The following MITF variants were observed in gnomAD, a reference collection of about 807,000 sequenced individuals.
The protein encoded by MITF is microphthalmia-associated transcription factor.
MITF carries 17 observed loss-of-function variants against 60.5 expected under a neutral mutation model. The ratio of observed to expected loss-of-function variants is 0.28; its 90% CI spans 0.19 to 0.42. The LOEUF is 0.42. Among genes scored for constraint, MITF ranks in the 10% least tolerant of loss-of-function variants. The probability of loss-of-function intolerance (pLI) is 1.00; values close to 1 mark genes in which losing one functional copy is unlikely to be tolerated. For missense variants in MITF, 622 were observed against 683.5 expected, an observed-to-expected ratio of 0.91 and a Z score of 1.00; for synonymous variants, 260 against 248.5, an observed-to-expected ratio of 1.05 and a Z score of -0.43.
At chr3:69,958,877 A>G (rs924467396) in intron 8 of MITF, among the ~76,000 whole-genome samples, 5 of 152,268 alleles carry the variant, frequency 3.3e-5, no homozygotes, top group African/African-American at 9.6e-5. Flanking sequence ...AATGTGTACA[A>G]ACTGGGTGGG....
intron 2 of MITF, among the ~76,000 whole-genome samples, chr3:69,914,370 C>T (rs1408191959): frequency 6.6e-6 from 1 of 152,160 alleles, no homozygotes; most frequent in African/African-American, 2.4e-5. Flanking sequence ...GATCCGCCTC[C>T]CTCGGCCTCC....
Position 69,951,800 on chromosome 3 carries a change from T to A in MITF, c.881-12T>A, listed in dbSNP as rs2066262832. 1 of 1,611,006 alleles carries A rather than the reference T, an allele frequency of 6.2e-7. No homozygotes were observed. Among genetic ancestry groups the A allele is most frequent in the African/African-American group, 1.3e-5 (1 of 74,850 alleles). On this transcript the variant is annotated splice_polypyrimidine_tract_variant and intron_variant, in intron 6 of 9. Transcript: ENST00000352241. The stretch of plus-strand genomic sequence containing the variant: ...CAGTTCCAACTTCTAATGACTTCAT[T>A]CACGTGCACAGCGTGTATTTTTCCC...
At chr3:69,744,692 T>C (rs1277833474) in intron 1 of MITF, among the ~76,000 whole-genome samples, 2 of 152,264 alleles carry the variant, frequency 1.3e-5, no homozygotes, top group Non-Finnish European at 2.9e-5. Flanking sequence ...TGCATTTGCT[T>C]GACTGTGGTT....
chr3:69,852,657 T>G (rs1380774696), intron 1 of MITF, among the ~76,000 whole-genome samples: 3 of 152,162 alleles, frequency 2.0e-5, no homozygotes, highest in African/African-American at 7.2e-5. Context: ...CACATATAAA[T>G]TTATCTGGTT....
chr3:69,906,251 A>C (rs1357851792), intron 2 of MITF, among the ~76,000 whole-genome samples: 1 of 152,126 alleles, frequency 6.6e-6, no homozygotes, highest in Non-Finnish European at 1.5e-5. Context: ...TATGTTTGTC[A>C]GAAATCAGTT....
chr3:69,936,840 A>T, intron 2 of MITF: 1 of 1,276,350 alleles, frequency 7.8e-7, no homozygotes, highest in East Asian at 2.4e-5. Flanking sequence ...TGTAATAGAC[A>T]TACTGTTTTC....
At chr3:69,927,854 G>A (rs770503462) in intron 2 of MITF, among the ~76,000 whole-genome samples, 2 of 152,236 alleles carry the variant, frequency 1.3e-5, no homozygotes, top group African/African-American at 2.4e-5. Flanking sequence ...TAGTGCTGAG[G>A]CTGAAAGCCT....
intron 5 of MITF, among the ~76,000 whole-genome samples, chr3:69,944,593 A>G (rs1036968394): frequency 1.6e-4 from 24 of 152,144 alleles, no homozygotes; most frequent in Non-Finnish European, 1.9e-4. Context: ...ATTAGGGGAA[A>G]GACAATGTAA....
chr3:69,768,565 G>T lies in MITF; in HGVS notation c.104+28864G>T, dbSNP rs571244777. 1.6e-3 allele frequency among the ~76,000 whole-genome samples: 241 copies of T among 152,306 alleles called. 4 individuals carry two copies. The highest frequency in any genetic ancestry group is 5.5e-3 in the African/African-American group (227 of 41,564). ...CTTCCATACATAATTTGGCTTTGGT[G>T]GCTGCTTCAGATTAGCCATTCTATC... On this transcript the variant is annotated intron_variant, in intron 1 of 9. Coordinates refer to ENST00000352241, the MANE Select transcript of MITF (RefSeq NM_001354604.2).
intron 1 of MITF, among the ~76,000 whole-genome samples, chr3:69,842,386 C>A (rs963887492): frequency 1.3e-5 from 2 of 152,170 alleles, no homozygotes; most frequent in African/African-American, 4.8e-5. Context: ...TACATTAATA[C>A]AACAACAAAC....
At chr3:69,801,625 T>G (rs755442621) in intron 1 of MITF, among the ~76,000 whole-genome samples, 10 of 152,210 alleles carry the variant, frequency 6.6e-5, no homozygotes, top group Admixed American at 6.5e-5. Context: ...TGATATATTT[T>G]ACATGAGTAC....
chr3:69,786,656 AGACTGTGGAAAAT>A (rs2062654413), intron 1 of MITF, among the ~76,000 whole-genome samples: 2 of 152,068 alleles, frequency 1.3e-5, no homozygotes, highest in South Asian at 4.2e-4. Flanking sequence ...ATTTTATATA[AGACTGTGGAAAAT>A]GAGACGTGTT....
At chr3:69,877,639 C>T (rs1006316625) in intron 1 of MITF, among the ~76,000 whole-genome samples, 4 of 152,050 alleles carry the variant, frequency 2.6e-5, no homozygotes, top group Non-Finnish European at 5.9e-5. Flanking sequence ...TGAAAATAAG[C>T]GAACTGTTAA....
At position 69,897,614 on chromosome 3, in the gene MITF, C is replaced by T. The variant is rs112196374; in HGVS notation, c.354+18231C>T. 7.8e-3 allele frequency among the ~76,000 whole-genome samples: 1,190 copies of T among 152,228 alleles called. 9 individuals carry two copies. Among genetic ancestry groups the T allele is most frequent in the African/African-American group, 0.027 (1,109 of 41,536 alleles). On this transcript the variant is annotated intron_variant, in intron 2 of 9. Transcript: ENST00000352241. Reference sequence around the variant, plus strand: ...TTTAAGTAGTACAACAGAGACCTTGCGCCCACAAAGCTGAAAATAATTATC... The same window carrying T: ...TTTAAGTAGTACAACAGAGACCTTGTGCCCACAAAGCTGAAAATAATTATC...
At position 69,904,363 on chromosome 3, in the gene MITF, G is replaced by C. The variant is rs115805528; in HGVS notation, c.354+24980G>C. On this transcript the variant is annotated intron_variant, in intron 2 of 9. Transcript: ENST00000352241. The stretch of plus-strand genomic sequence containing the variant: ...AAATGTTTGATCATATTTAGATTTT[G>C]TGAATTTGCCCATACCAGGTACTGA... Among the ~76,000 whole-genome samples, 1,405 of 152,228 alleles carry C rather than the reference G, an allele frequency of 9.2e-3. 22 individuals are homozygous for C. Among genetic ancestry groups the C allele is most frequent in the African/African-American group, 0.032 (1,345 of 41,550 alleles).
chr3:69,795,677 CTT>C (rs2062815653), intron 1 of MITF, among the ~76,000 whole-genome samples: 1 of 152,100 alleles, frequency 6.6e-6, no homozygotes, highest in Non-Finnish European at 1.5e-5. Flanking sequence ...AGTGAGCCCT[CTT>C]TGCACCATTG....
At chr3:69,950,627 G>GTATATATATATATA (rs143648888) in intron 6 of MITF, among the ~76,000 whole-genome samples, 6 of 138,044 alleles carry the variant, frequency 4.3e-5, no homozygotes, top group African/African-American at 1.3e-4. Flanking sequence ...TATATGGTGT[G>GTATATATATATATA]TATATATATA....
chr3:69,944,154 A>C (rs147240236), intron 5 of MITF, among the ~76,000 whole-genome samples: 1 of 152,156 alleles, frequency 6.6e-6, no homozygotes. Flanking sequence ...CATTCCATCT[A>C]CATTAGCGTT....
At chr3:69,891,359 A>C (rs374969953) in intron 2 of MITF, among the ~76,000 whole-genome samples, 4 of 152,208 alleles carry the variant, frequency 2.6e-5, no homozygotes, top group African/African-American at 9.6e-5. Flanking sequence ...TCAGTTTGAC[A>C]TGAAGCTAAG....
Sources: gnomAD v4.1 joint callset for allele counts (sites outside exome capture counted in the v4.1 genomes callset) on GRCh38, gnomAD v4.1.1 for gene constraint, MANE v1.5 for transcripts, NCBI Gene and HGNC (gene_info 2026-07-23, HGNC 2026-07-21) for gene names.